The following FBXL17 variants were observed in gnomAD, a reference collection of about 807,000 sequenced individuals.
FBXL17 encodes the protein F-box/LRR-repeat protein 17.
In FBXL17, 22 loss-of-function variants were observed where a neutral mutation model predicts 66.2. The ratio of observed to expected loss-of-function variants is 0.33; its 90% confidence interval spans 0.24 to 0.47. The LOEUF (loss-of-function observed/expected upper bound fraction) is 0.47. Among genes scored for constraint, FBXL17 ranks in the 20% least tolerant of loss-of-function variants. FBXL17 has a pLI of 1.00. For synonymous variants in FBXL17, 474 were observed against 400.5 expected (o/e 1.18, Z -2.19); for missense variants, 878 against 948.2 (o/e 0.93, Z 0.97).
At chr5:108,108,017 A>G (rs1749878459) in intron 6 of FBXL17, among the ~76,000 whole-genome samples, 1 of 151,870 alleles carries the variant, frequency 6.6e-6, no homozygotes, top group South Asian at 2.1e-4. Context: ...TGGTCTGGCT[A>G]TACTGCCCTC....
chr5:108,237,163 T>C (rs1755643694), intron 4 of FBXL17, among the ~76,000 whole-genome samples: 1 of 152,190 alleles, frequency 6.6e-6, no homozygotes, highest in Non-Finnish European at 1.5e-5. Flanking sequence ...TTATAGTGTG[T>C]CTAATGAAGG....
At chr5:108,226,421 T>C (rs565222417) in intron 4 of FBXL17, among the ~76,000 whole-genome samples, 5 of 152,344 alleles carry the variant, frequency 3.3e-5, no homozygotes, top group Non-Finnish European at 7.4e-5. Flanking sequence ...TTTGTATCAT[T>C]TTAATATATG....
intron 4 of FBXL17, among the ~76,000 whole-genome samples, chr5:108,251,149 T>C (rs1015998348): frequency 9.2e-5 from 14 of 152,080 alleles, no homozygotes. Flanking sequence ...ATTTTAATTA[T>C]GAGAGATTTA....
chr5:107,888,933 T>C (rs989677268), intron 7 of FBXL17, among the ~76,000 whole-genome samples: 10 of 152,206 alleles, frequency 6.6e-5, no homozygotes, highest in East Asian at 5.8e-4. Flanking sequence ...CCCAAAGTGG[T>C]TGTACCATTT....
intron 5 of FBXL17, 74 bp downstream of exon 5, chr5:108,224,047 T>C (rs1754986741): frequency 1.5e-6 from 1 of 654,226 alleles, no homozygotes; most frequent in Non-Finnish European, 2.6e-6. Context: ...CTTATTCAAG[T>C]AAATTAAACA....
At chr5:107,998,482 C>A (rs189521719) in intron 7 of FBXL17, among the ~76,000 whole-genome samples, 277 of 151,892 alleles carry the variant, frequency 1.8e-3, no homozygotes, top group African/African-American at 6.5e-3. Context: ...ACAGTGCTAC[C>A]TGAAATATTT....
intron 4 of FBXL17, among the ~76,000 whole-genome samples, chr5:108,331,545 A>C (rs930150306): frequency 6.6e-6 from 1 of 152,236 alleles, no homozygotes; most frequent in Non-Finnish European, 1.5e-5. Context: ...TTCTCCTTTA[A>C]AGCTGTTATT....
intron 7 of FBXL17, among the ~76,000 whole-genome samples, chr5:107,955,628 T>C (rs763587740): frequency 1.3e-5 from 2 of 152,132 alleles, no homozygotes; most frequent in African/African-American, 2.4e-5. Flanking sequence ...CAACAGCCCT[T>C]CTCCATGAAA....
At chr5:107,864,708 C>A (rs1269508768) in intron 8 of FBXL17, among the ~76,000 whole-genome samples, 1 of 152,170 alleles carries the variant, frequency 6.6e-6, no homozygotes, top group Non-Finnish European at 1.5e-5. Flanking sequence ...ATGTGACATG[C>A]TTGCTCCCCT....
intron 6 of FBXL17, among the ~76,000 whole-genome samples, chr5:108,130,706 T>C (rs922178920): frequency 6.6e-6 from 1 of 152,052 alleles, no homozygotes; most frequent in Non-Finnish European, 1.5e-5. Context: ...ACTTTATTTT[T>C]TTAACTTTTA....
intron 6 of FBXL17, among the ~76,000 whole-genome samples, chr5:108,114,481 T>C (rs577279624): frequency 1.1e-4 from 17 of 152,342 alleles, no homozygotes; most frequent in African/African-American, 4.1e-4. Context: ...AAAATAATTT[T>C]ATAGCCAATA....
intron 3 of FBXL17, among the ~76,000 whole-genome samples, chr5:108,354,302 T>TA (rs1262838598): frequency 7.9e-5 from 12 of 152,104 alleles, no homozygotes; most frequent in African/African-American, 2.7e-4. Flanking sequence ...CTACAATTAA[T>TA]ATGTTAAGAG....
rs139737329 is a variant in FBXL17, at chr5:107,952,625, G to T, written c.1822+68300C>A. Among the ~76,000 whole-genome samples, 390 of 152,284 alleles carry T rather than the reference G, an allele frequency of 2.6e-3. 3 individuals carry two copies. Among genetic ancestry groups the T allele is most frequent in the Middle Eastern group, 0.01 (3 of 294 alleles). ...CATCAAAAAGCTCAGATAACCCAAT[G>T]ACGTTTTCAGTGGTTACATTTCAAA... On this transcript the variant is annotated intron_variant, in intron 7 of 8. Transcript: ENST00000542267.
chr5:107,888,017 T>G (rs966808522), intron 7 of FBXL17, among the ~76,000 whole-genome samples: 7 of 152,224 alleles, frequency 4.6e-5, no homozygotes, highest in African/African-American at 1.7e-4. Flanking sequence ...CCAATACTTT[T>G]AAATCTCTTT....
intron 6 of FBXL17, among the ~76,000 whole-genome samples, chr5:108,131,633 C>A (rs1358482760): frequency 6.6e-6 from 1 of 151,988 alleles, no homozygotes; most frequent in African/African-American, 2.4e-5. Context: ...ACTTTTTCAT[C>A]AAAACACAAA....
At chr5:107,966,428 GGTCATTT>G (rs149554893) in intron 7 of FBXL17, among the ~76,000 whole-genome samples, 5,307 of 152,172 alleles carry the variant, frequency 0.035, 119 homozygotes, top group Non-Finnish European at 0.047. Flanking sequence ...GAAGTGGTGA[GGTCATTT>G]GTCCAGTGAC....
At chr5:108,012,616 C>A (rs1754218443) in intron 7 of FBXL17, among the ~76,000 whole-genome samples, 1 of 152,154 alleles carries the variant, frequency 6.6e-6, no homozygotes, top group Non-Finnish European at 1.5e-5. Flanking sequence ...AGTGATTATG[C>A]AAGACACTGA....
At chr5:108,029,121 A>T (rs1754935621) in intron 6 of FBXL17, among the ~76,000 whole-genome samples, 1 of 152,122 alleles carries the variant, frequency 6.6e-6, no homozygotes, top group African/African-American at 2.4e-5. Context: ...TTTGATCAAA[A>T]ACTAATAAAA....
In FBXL17 at chr5:108,049,955, A is replaced by G. The variant is rs116322507; in HGVS notation, c.1746-28954T>C. 6.2e-3 allele frequency among the ~76,000 whole-genome samples: 948 copies of G among 152,378 alleles called. 10 individuals are homozygous for G. Among genetic ancestry groups the G allele is most frequent in the African/African-American group, 0.022 (916 of 41,582 alleles). On this transcript the variant is annotated intron_variant, in intron 6 of 8. Coordinates refer to ENST00000542267, the MANE Select transcript of FBXL17 (RefSeq NM_001163315.3). Reference sequence around the variant, plus strand: ...TTGGAATCCAAGTCTCTGACAAAACAGACTTCAAACCAACAAAGATCAAAT... The same window carrying G: ...TTGGAATCCAAGTCTCTGACAAAACGGACTTCAAACCAACAAAGATCAAAT...
Sources: allele counts gnomAD v4.1 joint callset (sites outside exome capture counted in the v4.1 genomes callset), GRCh38; gene constraint gnomAD v4.1.1; transcripts MANE v1.5; gene names NCBI Gene and HGNC (gene_info 2026-07-23, HGNC 2026-07-21).